The following DAPP1 variants were observed in gnomAD, a reference collection of about 807,000 sequenced individuals.
DAPP1 encodes the protein dual adaptor of phosphotyrosine and 3-phosphoinositides 1.
In DAPP1, 20 loss-of-function variants were observed where a neutral mutation model predicts 41.5. That is an observed-to-expected ratio of 0.48 (90% CI 0.34 to 0.70). The LOEUF (loss-of-function observed/expected upper bound fraction) is 0.70, where lower values mean the gene tolerates loss of function less well. Among genes scored for constraint, DAPP1 ranks in the 30% least tolerant of loss-of-function variants. The probability of loss-of-function intolerance (pLI) is 0.01; values close to 1 mark genes in which losing one functional copy is unlikely to be tolerated. For synonymous variants in DAPP1, 113 were observed against 116.2 expected (o/e 0.97, Z 0.18); for missense variants, 233 against 333.4 (o/e 0.70, Z 2.35).
At chr4:99,846,514 A>G (rs902293054) in intron 3 of DAPP1, among the ~76,000 whole-genome samples, 2 of 152,260 alleles carry the variant, frequency 1.3e-5, no homozygotes, top group Non-Finnish European at 2.9e-5. Context: ...TTAGCATAGT[A>G]TAAGTATTCA....
intron 1 of DAPP1, among the ~76,000 whole-genome samples, chr4:99,825,648 A>G (rs1394709973): frequency 1.3e-5 from 2 of 152,190 alleles, no homozygotes; most frequent in East Asian, 1.9e-4. Context: ...CATCACAGAA[A>G]CGTCTCTATT....
At chr4:99,850,889 G>A (rs928634831) in intron 3 of DAPP1, among the ~76,000 whole-genome samples, 2 of 152,184 alleles carry the variant, frequency 1.3e-5, no homozygotes, top group African/African-American at 4.8e-5. Flanking sequence ...GCCTTCTGAA[G>A]GAAGCATAAT....
intron 3 of DAPP1, among the ~76,000 whole-genome samples, chr4:99,851,155 T>A (rs1010134963): frequency 6.6e-6 from 1 of 152,248 alleles, no homozygotes; most frequent in African/African-American, 2.4e-5. Context: ...ACTCTTGATA[T>A]AGGTACTGCT....
chr4:99,824,187 G>T (rs1335066698), intron 1 of DAPP1, among the ~76,000 whole-genome samples: 1 of 152,218 alleles, frequency 6.6e-6, no homozygotes, highest in Admixed American at 6.5e-5. Flanking sequence ...CTAGAGCACA[G>T]TAAACTCCTT....
downstream of DAPP1, among the ~76,000 whole-genome samples, chr4:99,872,199 A>G (rs1724644273): frequency 6.6e-6 from 1 of 152,222 alleles, no homozygotes; most frequent in Admixed American, 6.5e-5. Context: ...CAGGTCCCTG[A>G]TCCCATCCTA....
intron 1 of DAPP1, among the ~76,000 whole-genome samples, chr4:99,831,747 C>T (rs1326859515): frequency 9.2e-5 from 14 of 152,180 alleles, no homozygotes; most frequent in Non-Finnish European, 1.9e-4. Context: ...TGCCCAAATT[C>T]TCCAATACTT....
intron 2 of DAPP1, among the ~76,000 whole-genome samples, chr4:99,839,207 G>GGAGGTA (rs1723407680): frequency 6.6e-6 from 1 of 151,518 alleles, no homozygotes; most frequent in Admixed American, 6.6e-5. Context: ...GGGTGGAGGT[G>GGAGGTA]GAGGTGGCAG....
rs534926032 is a variant in DAPP1, at chr4:99,853,365, G to A, written c.489+17G>A. The A allele has an allele frequency of 1.6e-5, 25 of 1,597,906 alleles. 2 individuals are homozygous for A. Among genetic ancestry groups the A allele is most frequent in the South Asian group, 1.1e-4 (10 of 88,776 alleles). On this transcript the variant is annotated intron_variant, in intron 4 of 8. Transcript: ENST00000512369. Reference sequence around the variant, plus strand: ...GCACCTTCTGTAAGTGACCTTCAACGTGACCACAAGCTCTCTCCCTGTCTA... The same window carrying A: ...GCACCTTCTGTAAGTGACCTTCAACATGACCACAAGCTCTCTCCCTGTCTA...
intron 1 of DAPP1, among the ~76,000 whole-genome samples, chr4:99,827,150 G>A (rs1722961246): frequency 6.6e-6 from 1 of 152,116 alleles, no homozygotes; most frequent in Non-Finnish European, 1.5e-5. Flanking sequence ...TGAGGGAGGG[G>A]CCTGAGGTTG....
intron 3 of DAPP1, among the ~76,000 whole-genome samples, chr4:99,850,161 A>C (rs944593864): frequency 2.6e-5 from 4 of 152,202 alleles, no homozygotes; most frequent in African/African-American, 9.7e-5. Context: ...TGTAATCCCA[A>C]CACTTTGGGA....
chr4:99,835,679 G>A lies in DAPP1; in HGVS notation c.158G>A (p.Gly53Glu). 6.2e-7 allele frequency: 1 copy of A among 1,613,838 alleles called. No individual in the cohort carries two copies. Among genetic ancestry groups the A allele is most frequent in the Non-Finnish European group, 8.5e-7 (1 of 1,179,808 alleles). The change falls in exon 2 of 9, where the codon GGA (glycine) becomes GAA (glutamate). Residue 53 changes from glycine (G) to glutamate (E), a missense_variant. Physicochemically the swap from Gly to Glu is moderately conservative, Grantham distance 98. Transcript: ENST00000512369. ...HAAEALLLSN[G>E]CDGSYLLRDS... ...GCTGAAGCTCTTCTCCTCTCAAATG[G>A]ATGTGACGGCAGCTACCTTCTGAGG...
intron 4 of DAPP1, among the ~76,000 whole-genome samples, chr4:99,861,315 A>G (rs1724227957): frequency 6.6e-6 from 1 of 152,230 alleles, no homozygotes; most frequent in Admixed American, 6.5e-5. Context: ...TGACAAACAC[A>G]GACTTTTATA....
chr4:99,833,213 TGAAAGCATTTTGTA>T (rs1411282312), intron 1 of DAPP1, among the ~76,000 whole-genome samples: 1 of 152,260 alleles, frequency 6.6e-6, no homozygotes, highest in East Asian at 1.9e-4. Flanking sequence ...AATTGTTCTT[TGAAAGCATTTTGTA>T]GTGAACAGAT....
chr4:99,850,438 TA>T (rs1723815982), intron 3 of DAPP1, among the ~76,000 whole-genome samples: 1 of 152,114 alleles, frequency 6.6e-6, no homozygotes, highest in South Asian at 2.1e-4. Flanking sequence ...CAGGTATTAT[TA>T]TGTGAAGTGT....
rs191613671 is a variant in DAPP1, at chr4:99,851,227, T to C, written c.359-1991T>C. Among the ~76,000 whole-genome samples the C allele has an allele frequency of 2.9e-4, 44 of 152,322 alleles. No homozygotes were observed. In the East Asian group the frequency reaches 8.3e-3, roughly 29 times the overall value. Reference sequence around the variant, plus strand: ...TCTCCTCATATGACTGGATCTGTTCTTATGGGAAGATCACATTGACAAAAG... The same window carrying C: ...TCTCCTCATATGACTGGATCTGTTCCTATGGGAAGATCACATTGACAAAAG... On this transcript the variant is annotated intron_variant, in intron 3 of 8. Transcript: ENST00000512369.
chr4:99,822,166 G>A (rs1722794325), intron 1 of DAPP1, among the ~76,000 whole-genome samples: 1 of 152,128 alleles, frequency 6.6e-6, no homozygotes, highest in African/African-American at 2.4e-5. Context: ...GTGTTTTTCT[G>A]TTCCTCCAAA....
chr4:99,846,822 C>G (rs1257825539), intron 3 of DAPP1, among the ~76,000 whole-genome samples: 4 of 152,128 alleles, frequency 2.6e-5, no homozygotes, highest in Non-Finnish European at 5.9e-5. Flanking sequence ...TGCACTTCAC[C>G]CTATGAGACT....
intron 1 of DAPP1, among the ~76,000 whole-genome samples, chr4:99,827,543 C>CA (rs1560688636): frequency 8.8e-6 from 1 of 114,002 alleles, no homozygotes. Flanking sequence ...AAAAAAAAAA[C>CA]AACAAAAAAA....
At chr4:99,860,824 T>A (rs1724211212) in intron 4 of DAPP1, among the ~76,000 whole-genome samples, 1 of 152,250 alleles carries the variant, frequency 6.6e-6, no homozygotes, top group African/African-American at 2.4e-5. Context: ...ATTTATGAAA[T>A]GATAAATTTC....
Sources: gnomAD v4.1 joint callset for allele counts (sites outside exome capture counted in the v4.1 genomes callset) on GRCh38, gnomAD v4.1.1 for gene constraint, MANE v1.5 for transcripts, NCBI Gene and HGNC (gene_info 2026-07-23, HGNC 2026-07-21) for gene names.